Variants in VPS35L observed in about 807,000 individuals in gnomAD.
VPS35L encodes VPS35 endosomal protein sorting factor like.
Under a neutral mutation model 133.0 loss-of-function variants are expected in VPS35L, and 83 were observed. The observed-to-expected ratio is 0.62, with a 90% CI of 0.52 to 0.75. The LOEUF (loss-of-function observed/expected upper bound fraction) is 0.75. Ranked by LOEUF, VPS35L falls within the 30% of genes least tolerant of loss-of-function variation. VPS35L has a pLI of 0.00. For missense variants in VPS35L, 1,083 were observed against 1,206.8 expected (o/e 0.90, Z 1.52); for synonymous variants, 423 against 449.9 (o/e 0.94, Z 0.76).
chr16:19,666,927 T>TTTCTTCCTTTCTTCCTTTCTTC (rs1974698248), intron 26 of VPS35L, among the ~76,000 whole-genome samples: 22 of 62,952 alleles, frequency 3.5e-4, no homozygotes, highest in African/African-American at 1.6e-3. Context: ...TTTCTTTCTT[T>TTTCTTCCTTTCTTCCTTTCTTC]CTTTCTTCCT....
At chr16:19,613,868 A>G (rs1239584764) in intron 12 of VPS35L, among the ~76,000 whole-genome samples, 2 of 152,156 alleles carry the variant, frequency 1.3e-5, no homozygotes, top group Non-Finnish European at 2.9e-5. Flanking sequence ...GATACCAGCA[A>G]TGGGGGGGAT....
intron 23 of VPS35L, among the ~76,000 whole-genome samples, chr16:19,646,667 GAA>G (rs67569709): frequency 1.4e-5 from 2 of 143,888 alleles, no homozygotes; most frequent in Non-Finnish European, 3.0e-5. Context: ...TCTGTCTTGG[GAA>G]AAAAAAAAAA....
intron 28 of VPS35L, among the ~76,000 whole-genome samples, chr16:19,689,331 C>G (rs998170986): frequency 1.3e-5 from 2 of 151,020 alleles, no homozygotes; most frequent in African/African-American, 4.9e-5. Flanking sequence ...AGTGCAGTGG[C>G]TCCATCTCGG....
chr16:19,652,316 A>G (rs983688988), intron 26 of VPS35L: 11 of 472,214 alleles, frequency 2.3e-5, no homozygotes, highest in African/African-American at 2.0e-4. Context: ...GGCGCACACC[A>G]CCACACACAG....
chr16:19,682,118 AT>A, intron 27 of VPS35L, 106 bp from the exon 28 acceptor site: 1 of 1,288,490 alleles, frequency 7.8e-7, no homozygotes. Flanking sequence ...GACAACGTTA[AT>A]TTCTCTACAG....
intron 26 of VPS35L, among the ~76,000 whole-genome samples, chr16:19,668,476 C>T (rs1217458861): frequency 6.6e-6 from 1 of 152,110 alleles, no homozygotes; most frequent in Non-Finnish European, 1.5e-5. Flanking sequence ...CCTTTTCTTC[C>T]TCTCTTACTC....
At chr16:19,626,587 C>A (rs554621792) in intron 15 of VPS35L, among the ~76,000 whole-genome samples, 1 of 151,944 alleles carries the variant, frequency 6.6e-6, no homozygotes, top group African/African-American at 2.4e-5. Flanking sequence ...CGTGGCAAAA[C>A]CCCATCTCTA....
At chr16:19,615,984 A>G (rs1972878473) in intron 12 of VPS35L, 130 bp from the exon 13 acceptor site, 1 of 350,192 alleles carries the variant, frequency 2.9e-6, no homozygotes, top group Non-Finnish European at 4.8e-6. Context: ...TAATAATAAT[A>G]ATAATAATAA....
intron 7 of VPS35L, among the ~76,000 whole-genome samples, chr16:19,583,755 TACAC>T (rs1320489713): frequency 5.3e-5 from 8 of 150,582 alleles, no homozygotes; most frequent in Non-Finnish European, 1.2e-4. Context: ...GAAAAGAAAA[TACAC>T]AATAAATTTT....
intron 24 of VPS35L, among the ~76,000 whole-genome samples, chr16:19,649,623 G>A (rs769272892): frequency 6.6e-6 from 1 of 152,108 alleles, no homozygotes; most frequent in African/African-American, 2.4e-5. Flanking sequence ...AAACGGTGGC[G>A]CCCCTGTGAG....
chr16:19,697,543 GGGAAA>G (rs952348201), intron 29 of VPS35L, among the ~76,000 whole-genome samples: 18 of 151,882 alleles, frequency 1.2e-4, no homozygotes, highest in African/African-American at 4.3e-4. Flanking sequence ...ATTCTCACTT[GGGAAA>G]GGACAGTAAG....
intron 5 of VPS35L, 118 bp from the exon 6 acceptor site, chr16:19,578,934 A>G (rs1971620282): frequency 1.2e-6 from 1 of 843,434 alleles, no homozygotes; most frequent in Non-Finnish European, 2.0e-6. Context: ...AGTTTTCTAT[A>G]ATGGAATCAT....
intron 22 of VPS35L, among the ~76,000 whole-genome samples, chr16:19,643,683 C>T (rs1973853944): frequency 6.6e-6 from 1 of 152,044 alleles, no homozygotes; most frequent in Non-Finnish European, 1.5e-5. Context: ...TGGTGTCTCA[C>T]ACCTGTAATC....
chr16:19,669,250 TC>T lies in VPS35L; in HGVS notation c.2314del (p.Leu772PhefsTer13). 1 of 1,613,350 alleles carries T rather than the reference TC, an allele frequency of 6.2e-7. No individual in the cohort carries two copies. Among genetic ancestry groups the T allele is most frequent in the Non-Finnish European group, 8.5e-7 (1 of 1,179,398 alleles). On this transcript the variant is annotated frameshift_variant, in exon 27 of 31. Coordinates refer to ENST00000417362, the MANE Select transcript of VPS35L (RefSeq NM_020314.7). LOFTEE classifies it high-confidence loss of function. ...IDGKMRPSES[F>X]LLEFLCNFFS... ...GGGAAGATGCGGCCATCGGAATCGT[TC>T]CTTCTGGAATTCCTCTGCAATTTCT...
Position 19,699,363 on chromosome 16 carries a change from TG to T in VPS35L, c.2647-138del. ...TGGGACTTTGGGAGGTTCAGCAGCT[TG>T]CCCTACAGCAAATACATGGCAGAGC... On this transcript the variant is annotated intron_variant, in intron 29 of 30. Coordinates refer to ENST00000417362, the MANE Select transcript of VPS35L (RefSeq NM_020314.7). This position sits in a 1 kb window ranked among gnomAD's most constrained non-coding sequence, Gnocchi z 4.2. 1 of 1,075,630 alleles carries T rather than the reference TG, an allele frequency of 9.3e-7. No homozygotes were observed. Among genetic ancestry groups the T allele is most frequent in the Non-Finnish European group, 1.3e-6 (1 of 754,510 alleles). 66.6% of individuals were successfully genotyped at this position (1,075,630 alleles called of 1,614,324 possible). A position where few individuals can be genotyped will look rare whatever the true frequency, so the allele number is the denominator to read the frequency against.
chr16:19,583,210 T>C (rs1010395053), intron 7 of VPS35L, among the ~76,000 whole-genome samples: 1 of 152,118 alleles, frequency 6.6e-6, no homozygotes, highest in Non-Finnish European at 1.5e-5. Flanking sequence ...AACATTTTTA[T>C]ACCTCCCCAG....
At position 19,629,709 on chromosome 16, in the gene VPS35L, T is replaced by G; in HGVS notation, c.1501-58T>G. The G allele has an allele frequency of 2.0e-6, 3 of 1,495,992 alleles. No homozygotes were observed. The South Asian group carries it at 3.5e-5, about 17-fold the overall frequency. 92.7% of individuals were successfully genotyped at this position (1,495,992 alleles called of 1,614,324 possible). On this transcript the variant is annotated intron_variant, in intron 17 of 30. Coordinates refer to ENST00000417362, the MANE Select transcript of VPS35L (RefSeq NM_020314.7). Reference sequence around the variant, plus strand: ...ACAGAGCCAGCTGAAGCCTCCTGTTTGCTGTAATGCATACTATGTTGTACT... The same window carrying G: ...ACAGAGCCAGCTGAAGCCTCCTGTTGGCTGTAATGCATACTATGTTGTACT...
chr16:19,626,364 C>T, intron 15 of VPS35L, 141 bp downstream of exon 15: 2 of 733,406 alleles, frequency 2.7e-6, no homozygotes, highest in Non-Finnish European at 4.8e-6. Context: ...AGTCCGGTTG[C>T]CTGGCCTCAG....
At chr16:19,677,998 C>T (rs898555347) in intron 27 of VPS35L, among the ~76,000 whole-genome samples, 1 of 152,202 alleles carries the variant, frequency 6.6e-6, no homozygotes, top group African/African-American at 2.4e-5. Context: ...GATGAAGGGT[C>T]AGCAGCTGGT....
Sources: allele counts gnomAD v4.1 joint callset (sites outside exome capture counted in the v4.1 genomes callset), GRCh38; gene constraint gnomAD v4.1.1; non-coding constraint Gnocchi (gnomAD v3.1); transcripts MANE v1.5; gene names NCBI Gene and HGNC (gene_info 2026-07-23, HGNC 2026-07-21).